Variants in ASIC2 observed in about 807,000 individuals in gnomAD.
ASIC2 encodes acid sensing ion channel subunit 2.
In ASIC2, 25 loss-of-function variants were observed where a neutral mutation model predicts 57.3. The observed-to-expected ratio is 0.44, with a 90% CI of 0.32 to 0.61. The LOEUF is 0.61. Among genes scored for constraint, ASIC2 ranks in the 20% least tolerant of loss-of-function variants. ASIC2 has a pLI of 0.06. For missense variants in ASIC2, 641 were observed against 738.1 expected (o/e 0.87, Z 1.52); for synonymous variants, 319 against 307.5 (o/e 1.04, Z -0.39).
intron 1 of ASIC2, among the ~76,000 whole-genome samples, chr17:33,999,010 G>A (rs992015732): frequency 1.3e-5 from 2 of 151,920 alleles, no homozygotes; most frequent in South Asian, 4.1e-4. Context: ...CTTTAGTTCT[G>A]TTAATATTTC....
At chr17:33,076,616 G>A (rs2092090008) in intron 3 of ASIC2, among the ~76,000 whole-genome samples, 1 of 152,212 alleles carries the variant, frequency 6.6e-6, no homozygotes, top group South Asian at 2.1e-4. Flanking sequence ...ATGCATACAT[G>A]CACATTTATA....
intron 1 of ASIC2, among the ~76,000 whole-genome samples, chr17:34,029,528 T>C (rs1454574205): frequency 1.3e-5 from 2 of 152,204 alleles, no homozygotes; most frequent in African/African-American, 4.8e-5. Context: ...CCAAAATTCA[T>C]ATGTTGAAGC....
chr17:33,540,042 C>T (rs996419687), intron 1 of ASIC2, among the ~76,000 whole-genome samples: 1 of 152,152 alleles, frequency 6.6e-6, no homozygotes, highest in Non-Finnish European at 1.5e-5. Flanking sequence ...AGGTTGGGCA[C>T]CTTCAACAAC....
chr17:33,398,135 A>G (rs1910145855), intron 1 of ASIC2, among the ~76,000 whole-genome samples: 1 of 152,192 alleles, frequency 6.6e-6, no homozygotes, highest in African/African-American at 2.4e-5. Context: ...ACCTTCTAAC[A>G]TACCATATAG....
chr17:33,979,379 C>A (rs1418986327), intron 1 of ASIC2, among the ~76,000 whole-genome samples: 2 of 152,132 alleles, frequency 1.3e-5, no homozygotes, highest in Non-Finnish European at 2.9e-5. Flanking sequence ...CCGTCAGAAA[C>A]CCTGACTTCT....
At position 34,156,583 on chromosome 17, in the gene ASIC2, G is replaced by C. The variant is rs745570364; in HGVS notation, c.-51C>G. The C allele has an allele frequency of 6.6e-7, 1 of 1,520,446 alleles. No individual in the cohort carries two copies. The allele number at this position is 1,520,446 out of a possible 1,614,324, so 94.2% of individuals were successfully genotyped here. A position where few individuals can be genotyped will look rare whatever the true frequency, so the allele number is the denominator to read the frequency against. ...GGCTTCAGGTTGATCGAATTTCAGA[G>C]AAGAGCTCCCAGTCCTCGGGCTCTG... is the stretch of plus-strand genomic sequence containing the variant. On this transcript the variant is annotated 5_prime_UTR_variant, in exon 1 of 10. Transcript: ENST00000359872. This position sits in a 1 kb window ranked among gnomAD's most constrained non-coding sequence, Gnocchi z 4.4.
intron 1 of ASIC2, among the ~76,000 whole-genome samples, chr17:33,975,292 T>C (rs1179250404): frequency 1.3e-5 from 2 of 152,064 alleles, no homozygotes; most frequent in Non-Finnish European, 2.9e-5. Context: ...AGAGCCCAAA[T>C]AAAGGGTTGG....
chr17:33,257,754 G>C (rs1909131712), intron 1 of ASIC2, among the ~76,000 whole-genome samples: 1 of 152,204 alleles, frequency 6.6e-6, no homozygotes, highest in Non-Finnish European at 1.5e-5. Context: ...AGGTACAACA[G>C]CAATGACAAC....
intron 1 of ASIC2, among the ~76,000 whole-genome samples, chr17:33,698,571 A>G (rs1327596853): frequency 6.6e-6 from 1 of 152,176 alleles, no homozygotes; most frequent in African/African-American, 2.4e-5. Flanking sequence ...AAAGGAGAGA[A>G]AGTGTGAGAC....
chr17:33,414,243 A>G (rs1910760620), intron 1 of ASIC2, among the ~76,000 whole-genome samples: 1 of 152,148 alleles, frequency 6.6e-6, no homozygotes, highest in Admixed American at 6.6e-5. Context: ...AGAGGAGGGG[A>G]GAGTGGAAGA....
At chr17:34,099,778 GAAAGAAAGAAA>G (rs1910784058) in intron 1 of ASIC2, among the ~76,000 whole-genome samples, 1 of 39,982 alleles carries the variant, frequency 2.5e-5, no homozygotes. Context: ...AAGAAAGAAA[GAAAGAAAGAAA>G]GAAAGAAAGA....
chr17:33,233,514 TCACACACACACACACACACACA>T (rs36203893), intron 1 of ASIC2, among the ~76,000 whole-genome samples: 2 of 146,980 alleles, frequency 1.4e-5, no homozygotes, highest in Non-Finnish European at 3.0e-5. Flanking sequence ...AATTGGAAAT[TCACACACACACACACACACACA>T]CACACACACA....
At chr17:34,117,369 G>A (rs62054885) in intron 1 of ASIC2, among the ~76,000 whole-genome samples, 28,301 of 152,160 alleles carry the variant, frequency 0.19, 3,400 homozygotes, top group African/African-American at 0.34. Flanking sequence ...CAGAGGAAAC[G>A]GCATATGGTT....
At chr17:34,067,583 C>T (rs1381858063) in intron 1 of ASIC2, among the ~76,000 whole-genome samples, 1 of 152,126 alleles carries the variant, frequency 6.6e-6, no homozygotes, top group African/African-American at 2.4e-5. Flanking sequence ...TCTAAAAAAA[C>T]TATCCCAAGA....
chr17:33,476,807 A>C (rs1239593525), intron 1 of ASIC2, among the ~76,000 whole-genome samples: 3 of 151,970 alleles, frequency 2.0e-5, no homozygotes, highest in Non-Finnish European at 4.4e-5. Flanking sequence ...TGCAAATAAG[A>C]GATGCGACCT....
At chr17:33,738,432 A>C (rs1035267513) in intron 1 of ASIC2, among the ~76,000 whole-genome samples, 2 of 152,056 alleles carry the variant, frequency 1.3e-5, no homozygotes, top group Non-Finnish European at 1.5e-5. Flanking sequence ...GCCAGAACCT[A>C]ATTTGTTCAC....
chr17:33,930,014 T>C (rs777956299), intron 1 of ASIC2, among the ~76,000 whole-genome samples: 1 of 152,226 alleles, frequency 6.6e-6, no homozygotes, highest in Non-Finnish European at 1.5e-5. Flanking sequence ...GGCCTCACTG[T>C]CGATGGGTGC....
At chr17:33,874,052 G>A (rs1597911395) in intron 1 of ASIC2, among the ~76,000 whole-genome samples, 3 of 152,218 alleles carry the variant, frequency 2.0e-5, no homozygotes, top group Admixed American at 2.0e-4. Flanking sequence ...TTAGCCCCAC[G>A]TCTTCGGGCT....
chr17:34,070,052 AAAAGAT>A (rs1201146140), intron 1 of ASIC2: 1 of 152,140 alleles, frequency 6.6e-6, no homozygotes, highest in Non-Finnish European at 1.5e-5. Context: ...GAACTATAAA[AAAAGAT>A]ATCTGATACC....
Sources: allele counts gnomAD v4.1 joint callset (sites outside exome capture counted in the v4.1 genomes callset), GRCh38; gene constraint gnomAD v4.1.1; non-coding constraint Gnocchi (gnomAD v3.1); transcripts MANE v1.5; gene names NCBI Gene and HGNC (gene_info 2026-07-23, HGNC 2026-07-21).